Variants in DNAH9 observed in about 807,000 individuals in gnomAD.
DNAH9 encodes the protein DNAH9 variant protein.
DNAH9 carries 345 observed loss-of-function variants against 471.6 expected under a neutral mutation model. That is an observed-to-expected ratio of 0.73 (90% confidence interval 0.67 to 0.80). The LOEUF (loss-of-function observed/expected upper bound fraction) is 0.80. Among genes scored for constraint, DNAH9 ranks in the 30% least tolerant of loss-of-function variants. DNAH9 has a pLI of 0.00. For synonymous variants in DNAH9, 2,093 were observed against 2,123.6 expected (o/e 0.99, Z 0.40); for missense variants, 5,407 against 5,609.2 (o/e 0.96, Z 1.15).
chr17:11,848,173 C>T (rs923557494), intron 49 of DNAH9, among the ~76,000 whole-genome samples: 1 of 152,054 alleles, frequency 6.6e-6, no homozygotes, highest in African/African-American at 2.4e-5. Flanking sequence ...TGTGTTGTAT[C>T]ATCATTTTGC....
At chr17:11,943,542 C>T (rs552367658) in intron 67 of DNAH9, among the ~76,000 whole-genome samples, 10 of 152,056 alleles carry the variant, frequency 6.6e-5, no homozygotes, top group Middle Eastern at 3.4e-3. Flanking sequence ...CCAGGCGTGG[C>T]GGTGTGCACC....
At chr17:11,856,700 T>C (rs1971639381) in intron 50 of DNAH9, among the ~76,000 whole-genome samples, 1 of 151,140 alleles carries the variant, frequency 6.6e-6, no homozygotes, top group African/African-American at 2.4e-5. Flanking sequence ...AGCGAGACCC[T>C]GTCTCAGAAA....
chr17:11,745,079 C>T lies in DNAH9; in HGVS notation c.6394C>T (p.Leu2132Phe). 1 of 1,610,816 alleles carries T rather than the reference C, an allele frequency of 6.2e-7. No individual in the cohort carries two copies. The highest frequency in any genetic ancestry group is 1.1e-5 in the South Asian group (1 of 90,670). The change falls in exon 31 of 69, where the codon CTC (leucine) becomes TTC (phenylalanine). Residue 2132 changes from leucine (L) to phenylalanine (F), a missense_variant. By Grantham distance (22) the Leu-to-Phe change is conservative (BLOSUM62 0). Coordinates refer to ENST00000262442, the MANE Select transcript of DNAH9 (RefSeq NM_001372.4). ...LKLQAEDNFVLKVVQLEELLA... is the reference protein window; with the variant it reads ...LKLQAEDNFVFKVVQLEELLA... ...GCTCCAGGCTGAGGACAACTTTGTGCTCAAGGTACATGTGGTTTTTCCTCC... is the reference window on the plus strand; with the variant it reads ...GCTCCAGGCTGAGGACAACTTTGTGTTCAAGGTACATGTGGTTTTTCCTCC...
chr17:11,802,452 A>G (rs1969497896), intron 43 of DNAH9, among the ~76,000 whole-genome samples: 1 of 152,116 alleles, frequency 6.6e-6, no homozygotes, highest in Non-Finnish European at 1.5e-5. Flanking sequence ...AACACGGTGA[A>G]ACCCCATCTC....
intron 49 of DNAH9, among the ~76,000 whole-genome samples, chr17:11,842,786 C>T (rs939512467): frequency 1.1e-4 from 16 of 152,194 alleles, no homozygotes; most frequent in Admixed American, 7.2e-4. Context: ...GCTGATTAAA[C>T]GGTGCCCACC....
chr17:11,843,564 A>G (rs542535290), intron 49 of DNAH9, among the ~76,000 whole-genome samples: 4 of 151,890 alleles, frequency 2.6e-5, no homozygotes, highest in African/African-American at 9.6e-5. Context: ...TTGAACTCCA[A>G]TTTGATTTTT....
At position 11,611,651 on chromosome 17, in the gene DNAH9, T is replaced by C. The variant is rs1299157408; in HGVS notation, c.775T>C (p.Tyr259His). The C allele has an allele frequency of 1.2e-6, 2 of 1,613,840 alleles. No homozygotes were observed. Among genetic ancestry groups the C allele is most frequent in the Non-Finnish European group, 1.7e-6 (2 of 1,179,728 alleles). ...KVELEFWKSR[Y>H]EDLKYIYNQL... ...TCACCCTTCTTCATGATATTGCAGG[T>C]ATGAAGATCTGAAATACATCTATAA... The change falls in exon 4 of 69, where the codon TAT becomes CAT. Residue 259 changes from tyrosine to histidine, a missense_variant and splice_region_variant. Around this residue, in one of 3 missense-constraint regions of DNAH9, gnomAD observed 767 missense variants for 692.5 expected, o/e 1.11. Transcript: ENST00000262442.
At chr17:11,899,262 A>G (rs569419103) in intron 59 of DNAH9, among the ~76,000 whole-genome samples, 38 of 152,318 alleles carry the variant, frequency 2.5e-4, no homozygotes, top group African/African-American at 8.4e-4. Context: ...TAAGCAGGTA[A>G]TGAATGAAAT....
chr17:11,810,494 A>C, intron 45 of DNAH9, 125 bp downstream of exon 45: 1 of 1,242,464 alleles, frequency 8.0e-7, no homozygotes, highest in Non-Finnish European at 1.1e-6. Flanking sequence ...AAACTGACAC[A>C]GCCAAGGACT....
chr17:11,711,077 G>A (rs2074819456), intron 26 of DNAH9, among the ~76,000 whole-genome samples: 2 of 152,182 alleles, frequency 1.3e-5, no homozygotes, highest in African/African-American at 2.4e-5. Context: ...TCACTCAGAA[G>A]GAAGATAGAC....
chr17:11,958,823 G>A (rs77996821), intron 67 of DNAH9, among the ~76,000 whole-genome samples: 2,328 of 151,948 alleles, frequency 0.015, 66 homozygotes, highest in African/African-American at 0.053. Flanking sequence ...CACCAAATAC[G>A]TTATGAGCAA....
In DNAH9 at chr17:11,669,122, G is replaced by A. The variant is rs761708551; in HGVS notation, c.2790G>A (p.Glu930=). ...CACAACTGAGTCTAGCCATCCCAGAGCTAGTTTTCTATCCGTCTCTGGAGT... is the reference window on the plus strand; with the variant it reads ...CACAACTGAGTCTAGCCATCCCAGAACTAGTTTTCTATCCGTCTCTGGAGT... ...FEAQLSLAIP[E]LVFYPSLESG... Residue 930 remains glutamate (E), a synonymous_variant, in exon 16 of 69, where the codon GAG becomes GAA. Transcript: ENST00000262442. 3.7e-6 allele frequency: 6 copies of A among 1,613,958 alleles called. No homozygotes were observed. The highest frequency in any genetic ancestry group is 5.1e-6 in the Non-Finnish European group (6 of 1,179,900).
chr17:11,712,576 A>G (rs189392349), intron 26 of DNAH9, among the ~76,000 whole-genome samples: 18 of 152,142 alleles, frequency 1.2e-4, no homozygotes, highest in Admixed American at 1.2e-3. Flanking sequence ...CATCCTTGAC[A>G]ATATTTACTA....
At position 11,763,815 on chromosome 17, in the gene DNAH9, G is replaced by A. The variant is rs11650196; in HGVS notation, c.7170+201G>A. Among the ~76,000 whole-genome samples, 12,010 of 152,206 alleles carry A rather than the reference G, an allele frequency of 0.079. 627 individuals carry two copies. The highest frequency in any genetic ancestry group is 0.11 in the Non-Finnish European group (7,243 of 67,994). On this transcript the variant is annotated intron_variant, in intron 36 of 68. Transcript: ENST00000262442. ...CTCATAGGGTGAGATACATGAGGTC[G>A]TGGTGTGTTCGGAGCTTTTCCTTTT... is the stretch of plus-strand genomic sequence containing the variant.
Position 11,834,576 on chromosome 17 carries a change from G to A in DNAH9, c.9247-62G>A, listed in dbSNP as rs996372372. 11 of 1,594,070 alleles carry A rather than the reference G, an allele frequency of 6.9e-6. No homozygotes were observed. In the Admixed American group the frequency reaches 1.4e-4, roughly 20 times the overall value. The stretch of plus-strand genomic sequence containing the variant: ...GTCATGCCCAACAGGCCAGTGACTA[G>A]TCCAGTGCCCACAGTCCCTCCAGTC... On this transcript the variant is annotated intron_variant, in intron 48 of 68. Transcript: ENST00000262442.
intron 31 of DNAH9, among the ~76,000 whole-genome samples, chr17:11,745,317 GT>G (rs2075505573): frequency 6.6e-6 from 1 of 152,140 alleles, no homozygotes; most frequent in South Asian, 2.1e-4. Context: ...CTTCCATTCT[GT>G]TTGGTGTACC....
At chr17:11,842,822 C>T (rs181723531) in intron 49 of DNAH9, among the ~76,000 whole-genome samples, 8 of 152,288 alleles carry the variant, frequency 5.3e-5, no homozygotes, top group Non-Finnish European at 1.5e-5. Context: ...TCTGCCTCTC[C>T]CAGTCCACTG....
At chr17:11,957,494 C>T (rs1156321085) in intron 67 of DNAH9, among the ~76,000 whole-genome samples, 1 of 151,510 alleles carries the variant, frequency 6.6e-6, no homozygotes, top group Non-Finnish European at 1.5e-5. Context: ...TATCTATGAA[C>T]CTCAGGACCC....
At chr17:11,906,024 C>T (rs933751675) in intron 61 of DNAH9, among the ~76,000 whole-genome samples, 1 of 152,172 alleles carries the variant, frequency 6.6e-6, no homozygotes, top group African/African-American at 2.4e-5. Flanking sequence ...CTCACAGTCC[C>T]AGTTTCATGA....
Sources: allele counts gnomAD v4.1 joint callset (sites outside exome capture counted in the v4.1 genomes callset), GRCh38; gene constraint gnomAD v4.1.1; regional missense constraint gnomAD v4.1.1; transcripts MANE v1.5; gene names NCBI Gene and HGNC (gene_info 2026-07-23, HGNC 2026-07-21).